Variants in ZNF726 observed in about 807,000 individuals in gnomAD.
ZNF726 encodes the protein zinc finger protein 92 pseudogene 3.
ZNF726 carries 15 observed loss-of-function variants against 11.6 expected under a neutral mutation model. The observed-to-expected ratio is 1.29, with a 90% confidence interval of 0.86 to 1.99. The LOEUF is 1.99. ZNF726 is among the 30% of genes most tolerant of loss of function. ZNF726 has a pLI of 0.00. For synonymous variants in ZNF726, 295 were observed against 243.6 expected (o/e 1.21, Z -1.96); for missense variants, 890 against 725.6 (o/e 1.23, Z -2.60).
chr19:23,940,569 A>G (rs1968322699), intron 3 of ZNF726, among the ~76,000 whole-genome samples: 1 of 152,148 alleles, frequency 6.6e-6, no homozygotes. Flanking sequence ...GAATTTGTAG[A>G]TTGCTTTAGG....
Position 23,934,049 on chromosome 19 carries a change from G to A in ZNF726, c.*82G>A. 1.6e-5 allele frequency: 24 copies of A among 1,482,262 alleles called. No homozygotes were observed. The highest frequency in any genetic ancestry group is 2.3e-5 in the South Asian group (2 of 86,986). The allele number at this position is 1,482,262 out of a possible 1,614,324, so 91.8% of individuals were successfully genotyped here. A position where few individuals can be genotyped will look rare whatever the true frequency, so the allele number is the denominator to read the frequency against. ...TAAACATAAGAGGATGCACACTGGAGAGAAACCCTACAAATGTGAAGAATG... is the reference window on the plus strand; with the variant it reads ...TAAACATAAGAGGATGCACACTGGAAAGAAACCCTACAAATGTGAAGAATG... On this transcript the variant is annotated 3_prime_UTR_variant, in exon 4 of 4. Transcript: ENST00000594466.
At chr19:23,935,326 G>C (rs1287243768), downstream of ZNF726, 1 of 523,784 alleles carries the variant, frequency 1.9e-6, no homozygotes, top group Non-Finnish European at 3.9e-6. Context: ...GTGTTTTTCT[G>C]GTCCTCAGCC....
chr19:23,936,623 G>C (rs913729882), downstream of ZNF726, among the ~76,000 whole-genome samples: 2 of 151,978 alleles, frequency 1.3e-5, no homozygotes, highest in Non-Finnish European at 2.9e-5. Flanking sequence ...AAGTAGAGAG[G>C]CTCTTTGGGT....
At chr19:23,937,046 G>A (rs143684375), downstream of ZNF726, among the ~76,000 whole-genome samples, 7,519 of 151,388 alleles carry the variant, frequency 0.05, 294 homozygotes, top group South Asian at 0.079. Context: ...GGGCAGAGGC[G>A]CCCCTCACCT....
At chr19:23,943,808 G>T (rs11672619) in intron 4 of ZNF726, 18,306 of 365,644 alleles carry the variant, frequency 0.05, 747 homozygotes, top group South Asian at 0.082. Context: ...TTCCTTTGAG[G>T]GTACCATGAG....
chr19:23,928,195 A>G (rs191143241), intron 3 of ZNF726: 1 of 152,224 alleles, frequency 6.6e-6, no homozygotes, highest in African/African-American at 2.4e-5. Context: ...GCTTGGTGAC[A>G]CTCTCACCAG....
intron 3 of ZNF726, among the ~76,000 whole-genome samples, chr19:23,942,223 C>T (rs1362146357): frequency 6.6e-6 from 1 of 152,138 alleles, no homozygotes; most frequent in Non-Finnish European, 1.5e-5. Context: ...TGACCCAGTG[C>T]TCATTCAGGA....
chr19:23,925,977 T>C (rs1036019417), intron 3 of ZNF726, among the ~76,000 whole-genome samples: 1 of 151,300 alleles, frequency 6.6e-6, no homozygotes, highest in African/African-American at 2.4e-5. Flanking sequence ...TGCCTTTCAG[T>C]GTGCTGCAAT....
rs774436174 is a variant in ZNF726 at position 23,943,583 on chromosome 19, TACTC to T, written c.318_321del (p.Tyr106Ter). 10 of 638,792 alleles carry T rather than the reference TACTC, an allele frequency of 1.6e-5. No homozygotes were observed. Among genetic ancestry groups the T allele is most frequent in the Non-Finnish European group, 2.3e-5 (8 of 344,464 alleles). The allele number at this position is 638,792 out of a possible 1,614,324, so 39.6% of individuals were successfully genotyped here. The stretch of plus-strand genomic sequence containing the variant: ...GAAGAGACATGAGACAGTAGTCAAA[TACTC>T]AGGTAGGTAAGCATGAATGAAGCCG... On this transcript the variant is annotated frameshift_variant and splice_region_variant, in exon 4 of 5. Transcript: ENST00000334589. LOFTEE classifies it high-confidence loss of function.
intron 1 of ZNF726, 118 bp from the exon 2 acceptor site, chr19:23,919,255 T>C (rs1967779901): frequency 6.8e-7 from 1 of 1,467,978 alleles, no homozygotes; most frequent in African/African-American, 1.4e-5. Context: ...TTGGATAATT[T>C]CAGTCCCTCT....
chr19:23,934,099 CT>C lies in ZNF726; in HGVS notation c.*134del. ...GTGAAAAAGCTTTTAATCCTCAAATCTTACTAAACATTAGATAATTCACACT... is the reference window on the plus strand; with the variant it reads ...GTGAAAAAGCTTTTAATCCTCAAATCTACTAAACATTAGATAATTCACACT... On this transcript the variant is annotated 3_prime_UTR_variant, in exon 4 of 4. Coordinates refer to ENST00000594466, the MANE Select transcript of ZNF726 (RefSeq NM_001244038.2). 1 of 1,178,402 alleles carries C rather than the reference CT, an allele frequency of 8.5e-7. No homozygotes were observed. Among genetic ancestry groups the C allele is most frequent in the Non-Finnish European group, 1.3e-6 (1 of 797,730 alleles). 73.0% of individuals were successfully genotyped at this position (1,178,402 alleles called of 1,614,324 possible).
rs1487989553 is a variant in ZNF726 at position 23,932,489 on chromosome 19, G to A, written c.373G>A (p.Val125Ile). 6.3e-7 allele frequency: 1 copy of A among 1,589,752 alleles called. No individual in the cohort carries two copies. The highest frequency in any genetic ancestry group is 8.5e-7 in the Non-Finnish European group (1 of 1,172,234). ...TTGTAAAAGTGTGGATGAGTGTAAGGTACACAAAGAAGGTTATAATGGACT... is the reference window on the plus strand; with the variant it reads ...TTGTAAAAGTGTGGATGAGTGTAAGATACACAAAGAAGGTTATAATGGACT... ...KGCKSVDECK[V>I]HKEGYNGLNQ... Residue 125 changes from valine to isoleucine, a missense_variant, in exon 4 of 4, where the codon GTA becomes ATA. By Grantham distance (29) the Val-to-Ile change is conservative (BLOSUM62 3). Coordinates refer to ENST00000594466, the MANE Select transcript of ZNF726 (RefSeq NM_001244038.2).
chr19:23,919,657 C>T, intron 2 of ZNF726, 158 bp downstream of exon 2: 8 of 956,444 alleles, frequency 8.4e-6, no homozygotes, highest in Non-Finnish European at 1.0e-5. Flanking sequence ...ATGTTTCATC[C>T]TGACCTGAAA....
chr19:23,917,410 T>C (rs1967727138), intron 1 of ZNF726, among the ~76,000 whole-genome samples: 1 of 152,178 alleles, frequency 6.6e-6, no homozygotes, highest in African/African-American at 2.4e-5. Flanking sequence ...TTAGAAATTT[T>C]CTCAGGCATG....
chr19:23,924,450 T>C (rs10405341), intron 3 of ZNF726, among the ~76,000 whole-genome samples: 24,557 of 152,132 alleles, frequency 0.16, 2,036 homozygotes, highest in East Asian at 0.22. Context: ...AATATATATT[T>C]CCTTTGTGTG....
chr19:23,937,080 C>A (rs546276602), downstream of ZNF726, among the ~76,000 whole-genome samples: 1 of 142,430 alleles, frequency 7.0e-6, no homozygotes. Flanking sequence ...GCTGGCCGGG[C>A]GGGGGGCTGA....
chr19:23,944,388 A>G (rs1968386029), intron 4 of ZNF726: 1 of 152,194 alleles, frequency 6.6e-6, no homozygotes, highest in Non-Finnish European at 1.5e-5. Context: ...AGACTTTTAA[A>G]TCAAATGGTA....
chr19:23,936,553 T>G (rs1175135890), downstream of ZNF726, among the ~76,000 whole-genome samples: 1 of 152,084 alleles, frequency 6.6e-6, no homozygotes, highest in Admixed American at 6.5e-5. Flanking sequence ...AGGTAGGCCT[T>G]TATGACTTTT....
At chr19:23,940,787 T>C (rs1968326438) in intron 3 of ZNF726, among the ~76,000 whole-genome samples, 1 of 152,140 alleles carries the variant, frequency 6.6e-6, no homozygotes, top group Non-Finnish European at 1.5e-5. Flanking sequence ...TATTTCTCCA[T>C]TTGGTTGCTG....
Sources: gnomAD v4.1 joint callset for allele counts (sites outside exome capture counted in the v4.1 genomes callset) on GRCh38, gnomAD v4.1.1 for gene constraint, MANE v1.5 for transcripts, NCBI Gene and HGNC (gene_info 2026-07-23, HGNC 2026-07-21) for gene names.